SGSM2: variants seen among roughly 807,000 people sequenced by gnomAD.
SGSM2 encodes the protein RUN and TBC1 domain containing 1.
In SGSM2, 89 loss-of-function variants were observed where a neutral mutation model predicts 126.6. The observed-to-expected ratio is 0.70, with a 90% confidence interval of 0.59 to 0.84. The LOEUF is 0.84. SGSM2 is among the 40% of genes least tolerant of loss of function. The pLI is 0.00. For missense variants in SGSM2, 1,404 were observed against 1,416.6 expected (o/e 0.99, Z 0.14); for synonymous variants, 614 against 574.3 (o/e 1.07, Z -0.99).
chr17:2,362,277 G>T lies in SGSM2; in HGVS notation c.458+7G>T. ...ACCTGGCGGAAAACTGCAGGTGACC[G>T]CCCCGTTCCCCAAAAACTGCAGGTG... On this transcript the variant is annotated splice_region_variant and intron_variant, in intron 4 of 23. Transcript: ENST00000268989. This position sits in a 1 kb window ranked among gnomAD's most constrained non-coding sequence, Gnocchi z 4.9. The T allele has an allele frequency of 6.2e-7, 1 of 1,602,882 alleles. No individual in the cohort carries two copies. Among genetic ancestry groups the T allele is most frequent in the African/African-American group, 1.4e-5 (1 of 74,044 alleles).
intron 2 of SGSM2, among the ~76,000 whole-genome samples, chr17:2,349,087 G>A (rs116837102): frequency 0.013 from 2,022 of 151,702 alleles, 52 homozygotes; most frequent in African/African-American, 0.047. Flanking sequence ...TTTTGAAAGG[G>A]AGCATAGGCC....
intron 12 of SGSM2, 101 bp from the exon 13 acceptor site, chr17:2,371,161 G>T: frequency 7.6e-7 from 1 of 1,321,178 alleles, no homozygotes; most frequent in Non-Finnish European, 1.0e-6. Context: ...ACCCATGGGT[G>T]ACTTGATGCT....
chr17:2,358,354 G>A (rs2065165178), intron 2 of SGSM2, among the ~76,000 whole-genome samples: 1 of 152,152 alleles, frequency 6.6e-6, no homozygotes, highest in Non-Finnish European at 1.5e-5. Flanking sequence ...ATGCGGGATG[G>A]CATGTGTTTA....
chr17:2,363,967 C>T lies in SGSM2; in HGVS notation c.808-92C>T. 1.9e-6 allele frequency: 3 copies of T among 1,538,830 alleles called. No individual in the cohort carries two copies. The highest frequency in any genetic ancestry group is 1.1e-5 in the South Asian group (1 of 88,282). On this transcript the variant is annotated intron_variant, in intron 7 of 23. Transcript: ENST00000268989. This position sits in a 1 kb window ranked among gnomAD's most constrained non-coding sequence, Gnocchi z 4.2. ...CCCCGTGACTAGCCTAGCTTGGCCT[C>T]CCCTCCTCCCAGCGGGAGCTCATTT...
chr17:2,345,492 A>C (rs768822131), intron 2 of SGSM2, among the ~76,000 whole-genome samples: 5 of 149,788 alleles, frequency 3.3e-5, no homozygotes, highest in African/African-American at 4.9e-5. Context: ...GCTACTCAGG[A>C]GGCTGAGGCA....
At position 2,375,865 on chromosome 17, in the gene SGSM2, C is replaced by G. The variant is rs939984695; in HGVS notation, c.2474C>G (p.Ala825Gly). 1.3e-6 allele frequency: 2 copies of G among 1,516,492 alleles called. No individual in the cohort carries two copies. The highest frequency in any genetic ancestry group is 1.8e-6 in the Non-Finnish European group (2 of 1,139,448). The allele number at this position is 1,516,492 out of a possible 1,614,324, so 93.9% of individuals were successfully genotyped here. ...AGEELAAVCA[A>G]AYTIELLDTV... ...GAGGAGCTTGCGGCTGTGTGTGCGG[C>G]TGCCTACACTGTGCGTACATGCTCC... The change falls in exon 18 of 24, where the codon GCT becomes GGT. Residue 825 changes from alanine (A) to glycine (G), a missense_variant. Transcript: ENST00000268989.
rs1191926503 is a variant in SGSM2, at chr17:2,367,650, A to G, written c.1423+245A>G. Among the ~76,000 whole-genome samples, 1 of 152,142 alleles carries G rather than the reference A, an allele frequency of 6.6e-6. No homozygotes were observed. Among genetic ancestry groups the G allele is most frequent in the Non-Finnish European group, 1.5e-5 (1 of 68,024 alleles). On this transcript the variant is annotated intron_variant, in intron 12 of 23. Transcript: ENST00000268989. This position sits in a 1 kb window ranked among gnomAD's most constrained non-coding sequence, Gnocchi z 4.0. The stretch of plus-strand genomic sequence containing the variant: ...AGGAGGAAGAGGATTTGCTAATAGG[A>G]AGGTCTGATTATCTGATTGCCTCCT...
rs1476987963 is a variant in SGSM2, at chr17:2,373,326, T to TA, written c.1918-4dup. The TA allele has an allele frequency of 6.2e-7, 1 of 1,610,336 alleles. No homozygotes were observed. The highest frequency in any genetic ancestry group is 1.3e-5 in the African/African-American group (1 of 74,566). ...CCCCATGGTCGTGGTGTGGTCTGAG[T>TA]ACAGGTGGACGCAGTGGTGGCAGCA... On this transcript the variant is annotated splice_region_variant and splice_polypyrimidine_tract_variant and intron_variant, in intron 16 of 23. Transcript: ENST00000268989.
At chr17:2,343,191 G>A (rs2064454057) in intron 1 of SGSM2, among the ~76,000 whole-genome samples, 2 of 152,150 alleles carry the variant, frequency 1.3e-5, no homozygotes, top group African/African-American at 2.4e-5. Context: ...GTACCGAGAT[G>A]GTTTGTCTCT....
intron 2 of SGSM2, among the ~76,000 whole-genome samples, chr17:2,361,275 G>A (rs16952108): frequency 0.1 from 15,708 of 152,232 alleles, 1,300 homozygotes; most frequent in African/African-American, 0.22. Context: ...AAAGGCTCCC[G>A]AGTCGGGTGT....
Position 2,361,677 on chromosome 17 carries a change from T to C in SGSM2, c.174T>C (p.Arg58=). 1 of 1,614,036 alleles carries C rather than the reference T, an allele frequency of 6.2e-7. No individual in the cohort carries two copies. Among genetic ancestry groups the C allele is most frequent in the Non-Finnish European group, 8.5e-7 (1 of 1,180,002 alleles). Residue 58 remains arginine, a synonymous_variant, in exon 3 of 24, where the codon CGT becomes CGC. Transcript: ENST00000268989. The part of the protein sequence containing the change: ...EACLLHQLRR[R]AAGFLRSDKM... ...GCCTCTTGCATCAGCTGAGACGCCGTGCCGCTGGCTTCCTGCGCAGTGACA... is the reference window on the plus strand; with the variant it reads ...GCCTCTTGCATCAGCTGAGACGCCGCGCCGCTGGCTTCCTGCGCAGTGACA...
Position 2,379,546 on chromosome 17 carries a change from G to A in SGSM2, c.*26G>A. ...GCTGGGGCCAGGAGGCAGCAGCCGT[G>A]CAGAGCCTGGGCTCCGGCAGGGAGA... is the stretch of plus-strand genomic sequence containing the variant. On this transcript the variant is annotated 3_prime_UTR_variant, in exon 24 of 24. Transcript: ENST00000268989. The A allele has an allele frequency of 1.9e-6, 3 of 1,602,066 alleles. No homozygotes were observed. Among genetic ancestry groups the A allele is most frequent in the African/African-American group, 2.7e-5 (2 of 74,818 alleles).
Position 2,362,321 on chromosome 17 carries a change from A to T in SGSM2, c.458+51A>T. Reference sequence around the variant, plus strand: ...GCAGGTGACCACCCCGTTCCCCCCAAAACTGCAGGTGACCGCCCCGTTCCC... The same window carrying T: ...GCAGGTGACCACCCCGTTCCCCCCATAACTGCAGGTGACCGCCCCGTTCCC... On this transcript the variant is annotated intron_variant, in intron 4 of 23. Transcript: ENST00000268989. This position sits in a 1 kb window ranked among gnomAD's most constrained non-coding sequence, Gnocchi z 4.9. The T allele has an allele frequency of 6.4e-7, 1 of 1,550,964 alleles. No homozygotes were observed. The highest frequency in any genetic ancestry group is 8.7e-7 in the Non-Finnish European group (1 of 1,148,724).
In SGSM2 at chr17:2,349,913, A is replaced by G. The variant is rs535688062; in HGVS notation, c.133+6293A>G. ...CACCATTCTCCTGCCTCAGCCTCCC[A>G]AGTAGCTGGGACTACAGGCGCCCAC... On this transcript the variant is annotated intron_variant, in intron 2 of 23. Transcript: ENST00000268989. 2.2e-4 allele frequency among the ~76,000 whole-genome samples: 34 copies of G among 151,440 alleles called. 1 individual carries two copies. Among genetic ancestry groups the G allele is most frequent in the African/African-American group, 7.8e-4 (32 of 41,234 alleles).
Position 2,361,699 on chromosome 17 carries a change from G to T in SGSM2, c.196G>T (p.Asp66Tyr). The change falls in exon 3 of 24, where the codon GAC (aspartate) becomes TAC (tyrosine). Residue 66 changes from aspartate to tyrosine, a missense_variant. By Grantham distance (160) the Asp-to-Tyr change is radical. Transcript: ENST00000268989. ...CCGTGCCGCTGGCTTCCTGCGCAGTGACAAGATGGCAGCCCTGTTCACCAA... is the reference window on the plus strand; with the variant it reads ...CCGTGCCGCTGGCTTCCTGCGCAGTTACAAGATGGCAGCCCTGTTCACCAA... ...RRRAAGFLRSDKMAALFTKVG... is the reference protein window; with the variant it reads ...RRRAAGFLRSYKMAALFTKVG... 1 of 1,613,990 alleles carries T rather than the reference G, an allele frequency of 6.2e-7. No individual in the cohort carries two copies. The highest frequency in any genetic ancestry group is 8.5e-7 in the Non-Finnish European group (1 of 1,180,030).
chr17:2,337,890 T>G lies in SGSM2; in HGVS notation c.57+145T>G. ...CGGGTCCTGGACGGGCTGCGCCTCCTTCCCCTTTCTCGGATGGGGGAGGGC... is the reference window on the plus strand; with the variant it reads ...CGGGTCCTGGACGGGCTGCGCCTCCGTCCCCTTTCTCGGATGGGGGAGGGC... On this transcript the variant is annotated intron_variant, in intron 1 of 23. Transcript: ENST00000268989. This position sits in a 1 kb window ranked among gnomAD's most constrained non-coding sequence, Gnocchi z 5.1. 2 of 418,614 alleles carry G rather than the reference T, an allele frequency of 4.8e-6. No homozygotes were observed. The highest frequency in any genetic ancestry group is 4.6e-5 in the East Asian group (1 of 21,796). The allele number at this position is 418,614 out of a possible 1,614,324, so 25.9% of individuals were successfully genotyped here. A position where few individuals can be genotyped will look rare whatever the true frequency, so the allele number is the denominator to read the frequency against.
At position 2,367,285 on chromosome 17, in the gene SGSM2, C is replaced by T. The variant is rs771128601; in HGVS notation, c.1303C>T (p.His435Tyr). 1.2e-6 allele frequency: 2 copies of T among 1,613,280 alleles called. No homozygotes were observed. The highest frequency in any genetic ancestry group is 1.3e-5 in the African/African-American group (1 of 74,916). ...TCTTTGAGCAGTCACTATTAACTACCACCACCTAGCGGCCAGCCGCGCGGC... is the reference window on the plus strand; with the variant it reads ...TCTTTGAGCAGTCACTATTAACTACTACCACCTAGCGGCCAGCCGCGCGGC... ...HRHEHITINY[H>Y]HLAASRAASV... The change falls in exon 12 of 24, where the codon CAC becomes TAC. Residue 435 changes from histidine (H) to tyrosine (Y), a missense_variant. By Grantham distance (83) the His-to-Tyr change is moderately conservative. Transcript: ENST00000268989. This position sits in a 1 kb window ranked among gnomAD's most constrained non-coding sequence, Gnocchi z 4.0.
chr17:2,373,831 T>G lies in SGSM2; in HGVS notation c.2100+318T>G. 1.8e-5 allele frequency: 6 copies of G among 332,106 alleles called. No homozygotes were observed. In the South Asian group the frequency reaches 2.7e-4, roughly 15 times the overall value. 20.6% of individuals were successfully genotyped at this position (332,106 alleles called of 1,614,324 possible). On this transcript the variant is annotated intron_variant, in intron 17 of 23. Coordinates refer to ENST00000268989, the MANE Select transcript of SGSM2 (RefSeq NM_014853.3). ...CCTCAAAGCTAGCAACAGGCAGCGC[T>G]GGGTTCTAGTCCCAGATCCACTACT...
intron 21 of SGSM2, chr17:2,377,532 G>T (rs528462820): frequency 1.6e-5 from 3 of 193,496 alleles, no homozygotes; most frequent in Non-Finnish European, 3.1e-5. Flanking sequence ...TTGAGGAGGA[G>T]TGTGTGTGTG....
Sources: gnomAD v4.1 joint callset for allele counts (sites outside exome capture counted in the v4.1 genomes callset) on GRCh38, gnomAD v4.1.1 for gene constraint, Gnocchi (gnomAD v3.1) non-coding constraint, MANE v1.5 for transcripts, NCBI Gene and HGNC (gene_info 2026-07-23, HGNC 2026-07-21) for gene names.